The following PLEKHA6 variants were observed in gnomAD, a reference collection of about 807,000 sequenced individuals.
The protein encoded by PLEKHA6 is pleckstrin homology domain containing A6.
PLEKHA6 carries 60 observed loss-of-function variants against 116.7 expected under a neutral mutation model. The ratio of observed to expected loss-of-function variants is 0.51; its 90% CI spans 0.42 to 0.64. The LOEUF is 0.64. Ranked by LOEUF, PLEKHA6 falls within the 30% of genes least tolerant of loss-of-function variation. The pLI is 0.00. For missense variants in PLEKHA6, 1,338 were observed against 1,422.7 expected, an observed-to-expected ratio of 0.94 and a Z score of 0.96; for synonymous variants, 489 against 556.1, an observed-to-expected ratio of 0.88 and a Z score of 1.70.
intron 3 of PLEKHA6, among the ~76,000 whole-genome samples, chr1:204,268,625 C>T (rs1667107801): frequency 6.8e-6 from 1 of 147,012 alleles, no homozygotes; most frequent in African/African-American, 2.5e-5. Flanking sequence ...TCCAATTTCA[C>T]TCTGGCCTAT....
intron 21 of PLEKHA6, among the ~76,000 whole-genome samples, chr1:204,225,807 C>G (rs898228281): frequency 6.6e-6 from 1 of 152,214 alleles, no homozygotes; most frequent in Non-Finnish European, 1.5e-5. Context: ...TTCCTCCACT[C>G]TCACACTGCA....
chr1:204,219,373 T>C lies in PLEKHA6; in HGVS notation c.*3415A>G, dbSNP rs776634170. 2 of 152,520 alleles carry C rather than the reference T, an allele frequency of 1.3e-5. No individual in the cohort carries two copies. Among genetic ancestry groups the C allele is most frequent in the Non-Finnish European group, 2.9e-5 (2 of 68,022 alleles). The allele number at this position is 152,520 out of a possible 1,614,324, so 9.4% of individuals were successfully genotyped here. On this transcript the variant is annotated 3_prime_UTR_variant, in exon 23 of 23. Coordinates refer to ENST00000272203, the MANE Select transcript of PLEKHA6 (RefSeq NM_014935.5). ...CCGTAGCCAGCCCTGCCCAAGAACA[T>C]GCCTCTCCCAAAGGCCGGAGAGCAA... is the stretch of plus-strand genomic sequence containing the variant.
intron 3 of PLEKHA6, among the ~76,000 whole-genome samples, chr1:204,367,426 C>CCTCCACAT (rs1673683695): frequency 1.3e-5 from 2 of 152,200 alleles, no homozygotes; most frequent in Admixed American, 6.5e-5. Flanking sequence ...CTTCCCACTG[C>CCTCCACAT]CTCCACATCC....
chr1:204,347,456 C>T (rs553144138), intron 1 of PLEKHA6, among the ~76,000 whole-genome samples: 14 of 151,340 alleles, frequency 9.3e-5, no homozygotes, highest in Admixed American at 5.3e-4. Context: ...CACACATGCT[C>T]TACAATTTGT....
At position 204,259,243 on chromosome 1, in the gene PLEKHA6, G is replaced by C. The variant is rs552810658; in HGVS notation, c.1007+15C>G. On this transcript the variant is annotated intron_variant, in intron 8 of 22. Transcript: ENST00000272203. The surrounding 1 kb of genome is among the most constrained non-coding windows in gnomAD (Gnocchi z 4.6). ...ATACCATATCAGCCCCACCCCAGCCGCCGGCATGCCTCACCTCCGAAGGTC... is the reference window on the plus strand; with the variant it reads ...ATACCATATCAGCCCCACCCCAGCCCCCGGCATGCCTCACCTCCGAAGGTC... 1.9e-6 allele frequency: 3 copies of C among 1,610,366 alleles called. No individual in the cohort carries two copies. The highest frequency in any genetic ancestry group is 2.5e-6 in the Non-Finnish European group (3 of 1,178,476).
At chr1:204,360,462 G>A (rs199804226), upstream of PLEKHA6, among the ~76,000 whole-genome samples, 20 of 151,620 alleles carry the variant, frequency 1.3e-4, no homozygotes, top group East Asian at 2.4e-3. Flanking sequence ...CAGGATGAGT[G>A]GGGTGTGAGT....
chr1:204,316,981 G>A (rs529457210), intron 1 of PLEKHA6, among the ~76,000 whole-genome samples: 10 of 152,218 alleles, frequency 6.6e-5, no homozygotes, highest in Non-Finnish European at 1.5e-4. Flanking sequence ...ATAATCTACC[G>A]TGCCATCTGC....
At chr1:204,359,544 TA>T in intron 1 of PLEKHA6, 149 bp downstream of exon 1, 1 of 919,530 alleles carries the variant, frequency 1.1e-6, no homozygotes, top group Non-Finnish European at 1.3e-6. Context: ...GATCCCCAAG[TA>T]AGGCTGCCAA....
At chr1:204,225,638 A>T (rs1407810965) in intron 21 of PLEKHA6, among the ~76,000 whole-genome samples, 1 of 152,190 alleles carries the variant, frequency 6.6e-6, no homozygotes, top group Non-Finnish European at 1.5e-5. Flanking sequence ...ATTCATAAAC[A>T]CCACCTCCAC....
chr1:204,313,987 T>G (rs1671760210), intron 1 of PLEKHA6, among the ~76,000 whole-genome samples: 1 of 152,186 alleles, frequency 6.6e-6, no homozygotes, highest in South Asian at 2.1e-4. Context: ...GGGGGTACTA[T>G]TCCCATATAG....
At chr1:204,289,662 C>T (rs558791115) in intron 1 of PLEKHA6, among the ~76,000 whole-genome samples, 5 of 152,324 alleles carry the variant, frequency 3.3e-5, no homozygotes, top group African/African-American at 9.6e-5. Context: ...ATTTACTATA[C>T]CACCCTTCCT....
At chr1:204,361,876 G>C (rs1673567566), upstream of PLEKHA6, among the ~76,000 whole-genome samples, 3 of 151,990 alleles carry the variant, frequency 2.0e-5, no homozygotes, top group African/African-American at 7.2e-5. Flanking sequence ...CCAGAGGGAG[G>C]CCGGGGAGGG....
At chr1:204,344,391 G>T (rs2103328764) in intron 1 of PLEKHA6, among the ~76,000 whole-genome samples, 1 of 152,178 alleles carries the variant, frequency 6.6e-6, no homozygotes, top group South Asian at 2.1e-4. Flanking sequence ...TTTGAGCTCA[G>T]GAGTTGAAGA....
Position 204,220,106 on chromosome 1 carries a change from C to T in PLEKHA6, c.*2682G>A, listed in dbSNP as rs1239280432. ...AGGATCCCAAGCCGCCTCCTCTGGG[C>T]TTCGCACCGTCTCGTACACTGACAT... On this transcript the variant is annotated 3_prime_UTR_variant, in exon 23 of 23. Transcript: ENST00000272203. 1 of 152,236 alleles carries T rather than the reference C, an allele frequency of 6.6e-6. No individual in the cohort carries two copies. The highest frequency in any genetic ancestry group is 6.5e-5 in the Admixed American group (1 of 15,288). 9.4% of individuals were successfully genotyped at this position (152,236 alleles called of 1,614,324 possible). A position where few individuals can be genotyped will look rare whatever the true frequency, so the allele number is the denominator to read the frequency against.
rs1280091210 is a variant in PLEKHA6 at position 204,261,489 on chromosome 1, TCCAC to T, written c.382-45_382-42del. On this transcript the variant is annotated intron_variant, in intron 6 of 22. Transcript: ENST00000272203. This position sits in a 1 kb window ranked among gnomAD's most constrained non-coding sequence, Gnocchi z 4.0. ...GCGTGTGGAGCTGGCCTCGGCCTCA[TCCAC>T]CCAGCACACAGTCACCTGTTGGGAG... 6.4e-7 allele frequency: 1 copy of T among 1,569,672 alleles called. No homozygotes were observed. The highest frequency in any genetic ancestry group is 8.6e-7 in the Non-Finnish European group (1 of 1,156,816).
intron 3 of PLEKHA6, 49 bp from the exon 4 acceptor site, chr1:204,268,361 T>A: frequency 7.4e-7 from 1 of 1,346,970 alleles, no homozygotes; most frequent in Non-Finnish European, 1.0e-6. Flanking sequence ...TCCTCCTTCC[T>A]GCTTTATCTG....
At chr1:204,349,290 G>A (rs1319455148) in intron 1 of PLEKHA6, among the ~76,000 whole-genome samples, 1 of 152,180 alleles carries the variant, frequency 6.6e-6, no homozygotes, top group African/African-American at 2.4e-5. Flanking sequence ...TATAATCCCA[G>A]CACTTTGGGA....
intron 17 of PLEKHA6, among the ~76,000 whole-genome samples, chr1:204,239,596 T>C (rs1662518025): frequency 6.6e-6 from 1 of 151,932 alleles, no homozygotes; most frequent in Non-Finnish European, 1.5e-5. Context: ...ACTTTGCAGC[T>C]AAAAAAAAGT....
chr1:204,325,549 AG>A (rs1463589325), intron 1 of PLEKHA6, among the ~76,000 whole-genome samples: 1 of 152,338 alleles, frequency 6.6e-6, no homozygotes, highest in East Asian at 1.9e-4. Context: ...CAGGACTAGG[AG>A]CCCGAATGCC....
Sources: gnomAD v4.1 joint callset for allele counts (sites outside exome capture counted in the v4.1 genomes callset) on GRCh38, gnomAD v4.1.1 for gene constraint, Gnocchi (gnomAD v3.1) non-coding constraint, MANE v1.5 for transcripts, NCBI Gene and HGNC (gene_info 2026-07-23, HGNC 2026-07-21) for gene names.